PCSK2: variants seen among roughly 807,000 people sequenced by gnomAD.
The protein encoded by PCSK2 is neuroendocrine convertase 2.
PCSK2 carries 14 observed loss-of-function variants against 69.7 expected under a neutral mutation model. That is an observed-to-expected ratio of 0.20 (90% confidence interval 0.13 to 0.31). The LOEUF is 0.31. Ranked by LOEUF, PCSK2 falls within the 10% of genes least tolerant of loss-of-function variation. The pLI, the probability that PCSK2 is intolerant of heterozygous loss-of-function variation, is 1.00. For synonymous variants in PCSK2, 307 were observed against 320.7 expected (o/e 0.96, Z 0.46); for missense variants, 544 against 842.5 (o/e 0.65, Z 4.39).
chr20:17,266,379 T>C (rs1987601845), intron 2 of PCSK2, among the ~76,000 whole-genome samples: 1 of 152,248 alleles, frequency 6.6e-6, no homozygotes, highest in African/African-American at 2.4e-5. Flanking sequence ...CTTCTTCATT[T>C]GCTGTGAGAA....
intron 2 of PCSK2, among the ~76,000 whole-genome samples, chr20:17,292,548 T>C (rs911230791): frequency 1.3e-5 from 2 of 152,232 alleles, no homozygotes; most frequent in African/African-American, 4.8e-5. Flanking sequence ...ATTGTTTGAA[T>C]TTATTATATA....
intron 8 of PCSK2, among the ~76,000 whole-genome samples, chr20:17,438,947 T>C (rs2032542228): frequency 6.6e-6 from 1 of 152,214 alleles, no homozygotes; most frequent in African/African-American, 2.4e-5. Context: ...AGGTTGCTCC[T>C]GAGAGCCCTC....
At chr20:17,346,930 T>C (rs1990668940) in intron 2 of PCSK2, among the ~76,000 whole-genome samples, 1 of 152,146 alleles carries the variant, frequency 6.6e-6, no homozygotes, top group South Asian at 2.1e-4. Context: ...AAGAAACATC[T>C]TTGATCCCTC....
intron 5 of PCSK2, among the ~76,000 whole-genome samples, chr20:17,383,636 A>G (rs1039936618): frequency 6.6e-6 from 1 of 151,606 alleles, no homozygotes; most frequent in Admixed American, 6.6e-5. Context: ...TATCAAAAAG[A>G]TTTTGAAAAA....
intron 5 of PCSK2, among the ~76,000 whole-genome samples, chr20:17,394,924 G>A (rs2031475508): frequency 6.6e-6 from 1 of 152,170 alleles, no homozygotes; most frequent in Non-Finnish European, 1.5e-5. Context: ...AACCAGAAGT[G>A]CATTTAATCT....
chr20:17,313,124 CAT>C (rs769510427), intron 2 of PCSK2, among the ~76,000 whole-genome samples: 1 of 152,196 alleles, frequency 6.6e-6, no homozygotes, highest in Non-Finnish European at 1.5e-5. Context: ...CTTAACCCAA[CAT>C]ATCCAAAATA....
At chr20:17,389,314 A>T (rs1368055750) in intron 5 of PCSK2, among the ~76,000 whole-genome samples, 2 of 152,180 alleles carry the variant, frequency 1.3e-5, no homozygotes, top group African/African-American at 4.8e-5. Flanking sequence ...GGGTCTTGGA[A>T]GGAACAGCCG....
intron 5 of PCSK2, among the ~76,000 whole-genome samples, chr20:17,383,077 C>T (rs1439472711): frequency 6.6e-6 from 1 of 152,174 alleles, no homozygotes; most frequent in African/African-American, 2.4e-5. Context: ...CTGTCTTGTT[C>T]ACCTCTTTAT....
At chr20:17,415,138 C>T (rs1235995276) in intron 6 of PCSK2, among the ~76,000 whole-genome samples, 5 of 152,188 alleles carry the variant, frequency 3.3e-5, no homozygotes, top group South Asian at 2.1e-4. Context: ...GACGAGGATG[C>T]CCTCTGTCAC....
intron 2 of PCSK2, among the ~76,000 whole-genome samples, chr20:17,333,424 C>T (rs879732205): frequency 1.3e-5 from 2 of 152,130 alleles, no homozygotes; most frequent in East Asian, 3.9e-4. Context: ...ATGCTCTATC[C>T]TGTTTTGGAG....
intron 2 of PCSK2, among the ~76,000 whole-genome samples, chr20:17,266,855 A>G (rs1028460450): frequency 1.3e-5 from 2 of 152,118 alleles, no homozygotes; most frequent in Non-Finnish European, 2.9e-5. Flanking sequence ...TCTTAGGTAA[A>G]TCACGTCCTG....
intron 5 of PCSK2, among the ~76,000 whole-genome samples, chr20:17,369,576 A>T (rs1248269011): frequency 2.6e-5 from 4 of 152,212 alleles, no homozygotes; most frequent in African/African-American, 9.6e-5. Context: ...GGAACTGTCC[A>T]TCCCATTGGA....
chr20:17,259,906 G>A (rs2122997381), intron 1 of PCSK2, among the ~76,000 whole-genome samples: 1 of 152,268 alleles, frequency 6.6e-6, no homozygotes, highest in Non-Finnish European at 1.5e-5. Flanking sequence ...AGGAAGGCAA[G>A]GAGAATCTGA....
At chr20:17,417,481 C>G (rs1208545739) in intron 6 of PCSK2, among the ~76,000 whole-genome samples, 15 of 152,170 alleles carry the variant, frequency 9.9e-5, no homozygotes, top group Admixed American at 9.8e-4. Context: ...AAGTCATTTT[C>G]AAAGATCCTC....
chr20:17,409,438 C>G (rs1348159515), intron 6 of PCSK2, 99 bp downstream of exon 6: 1 of 783,346 alleles, frequency 1.3e-6, no homozygotes, highest in South Asian at 1.5e-5. Context: ...AAATAATCCC[C>G]ATGCTTCATT....
At chr20:17,448,078 A>G (rs951259143) in intron 8 of PCSK2, among the ~76,000 whole-genome samples, 1 of 152,234 alleles carries the variant, frequency 6.6e-6, no homozygotes, top group African/African-American at 2.4e-5. Context: ...TAAAGAATAC[A>G]ATAACTTTTT....
intron 5 of PCSK2, among the ~76,000 whole-genome samples, chr20:17,378,217 C>T (rs1002076321): frequency 6.6e-6 from 1 of 152,176 alleles, no homozygotes; most frequent in Non-Finnish European, 1.5e-5. Flanking sequence ...AAGAAAGATA[C>T]TTAAATGCAT....
chr20:17,299,283 A>G (rs1183058756), intron 2 of PCSK2, among the ~76,000 whole-genome samples: 2 of 152,188 alleles, frequency 1.3e-5, no homozygotes, highest in African/African-American at 2.4e-5. Flanking sequence ...TAAATAATTC[A>G]TCCTTTCCTC....
intron 2 of PCSK2, among the ~76,000 whole-genome samples, chr20:17,347,629 T>G (rs1004400228): frequency 6.6e-6 from 1 of 152,000 alleles, no homozygotes; most frequent in Non-Finnish European, 1.5e-5. Flanking sequence ...GATGTGTCAG[T>G]GTCGGTTCAG....
Sources: allele counts gnomAD v4.1 joint callset (sites outside exome capture counted in the v4.1 genomes callset), GRCh38; gene constraint gnomAD v4.1.1; transcripts MANE v1.5; gene names NCBI Gene and HGNC (gene_info 2026-07-23, HGNC 2026-07-21).